Variants in PRH1 observed in about 807,000 individuals in gnomAD.
PRH1 encodes salivary acidic proline-rich phosphoprotein 1/2.
PRH1 carries 7 observed loss-of-function variants against 7.9 expected under a neutral mutation model. The ratio of observed to expected loss-of-function variants is 0.89; its 90% confidence interval spans 0.50 to 1.67. The LOEUF is 1.67. PRH1 is among the 40% of genes most tolerant of loss of function. PRH1 has a pLI of 0.00. For missense variants in PRH1, 109 were observed against 223.6 expected, an observed-to-expected ratio of 0.49 and a Z score of 3.27; for synonymous variants, 45 against 80.8, an observed-to-expected ratio of 0.56 and a Z score of 2.38.
upstream of PRH1, among the ~76,000 whole-genome samples, chr12:10,885,706 C>T (rs571282195): frequency 6.6e-6 from 1 of 152,354 alleles, no homozygotes; most frequent in East Asian, 1.9e-4. Context: ...GAATCACCAG[C>T]TGCACTTTCC....
chr12:11,073,668 A>G (rs1175531190), intron 1 of PRH1, among the ~76,000 whole-genome samples: 1 of 151,972 alleles, frequency 6.6e-6, no homozygotes, highest in Non-Finnish European at 1.5e-5. Flanking sequence ...AGTGGTTTCA[A>G]GTGGAATCCA....
upstream of PRH1, among the ~76,000 whole-genome samples, chr12:11,050,373 A>G (rs775102281): frequency 2.6e-5 from 4 of 152,204 alleles, no homozygotes; most frequent in Non-Finnish European, 5.9e-5. Flanking sequence ...TAAGGTGCAG[A>G]TCGCTCATGC....
At chr12:10,909,993 TC>T (rs1565465449) in intron 2 of PRH1, among the ~76,000 whole-genome samples, 1 of 152,152 alleles carries the variant, frequency 6.6e-6, no homozygotes, top group East Asian at 1.9e-4. Flanking sequence ...TATCCGCTTT[TC>T]CCCTCATATT....
intron 1 of PRH1, chr12:11,031,232 C>A (rs372174270): frequency 1.2e-6 from 2 of 1,613,974 alleles, no homozygotes; most frequent in African/African-American, 2.7e-5. Flanking sequence ...TCTCTTGACC[C>A]GCTCAATGGA....
chr12:10,994,225 A>C (rs1041768696), intron 1 of PRH1, among the ~76,000 whole-genome samples: 1 of 152,132 alleles, frequency 6.6e-6, no homozygotes, highest in Non-Finnish European at 1.5e-5. Flanking sequence ...GGATCACCAC[A>C]TTGTGGGCAT....
Position 11,062,084 on chromosome 12 carries a change from A to C in PRH1, n.124-14896T>G, listed in dbSNP as rs367826465. On this transcript the variant is annotated intron_variant and non_coding_transcript_variant, in intron 1 of 4. Coordinates refer to the PRH1 transcript ENST00000541977. The stretch of plus-strand genomic sequence containing the variant: ...TCTATACTGTTAAAAGCTGGATTCA[A>C]CTCAGTTGCATACCAATTTAATACT... 3.1e-6 allele frequency: 5 copies of C among 1,613,594 alleles called. No homozygotes were observed. The African/African-American group carries it at 5.3e-5, about 17-fold the overall frequency.
chr12:10,938,564 G>A, intron 2 of PRH1: 3 of 1,614,044 alleles, frequency 1.9e-6, no homozygotes, highest in Non-Finnish European at 2.5e-6. Flanking sequence ...TATTTTGACA[G>A]TGTGCTGCAT....
At chr12:10,893,927 C>T (rs1413599064) in intron 2 of PRH1, among the ~76,000 whole-genome samples, 1 of 151,966 alleles carries the variant, frequency 6.6e-6, no homozygotes, top group Non-Finnish European at 1.5e-5. Context: ...ATTTAACCTG[C>T]TATTTTTACA....
intron 1 of PRH1, among the ~76,000 whole-genome samples, chr12:10,996,305 G>A (rs1940232217): frequency 6.6e-6 from 1 of 150,762 alleles, no homozygotes; most frequent in Non-Finnish European, 1.5e-5. Flanking sequence ...TTCCAGCCTG[G>A]ACAACAGGGC....
At chr12:11,047,102 C>A (rs1216775895) in exon 1 of PRH1, 11 of 473,586 alleles carry the variant, frequency 2.3e-5, no homozygotes, top group Non-Finnish European at 4.9e-5. Flanking sequence ...TGTCACAGAA[C>A]TGACACAGAA....
At chr12:11,149,713 A>G (rs866547445) in intron 1 of PRH1, among the ~76,000 whole-genome samples, 5 of 140,468 alleles carry the variant, frequency 3.6e-5, no homozygotes, top group South Asian at 2.2e-4. Context: ...AACCATAAAA[A>G]CCCTAGAAGA....
At chr12:11,169,670 T>TA (rs1283856670) in intron 1 of PRH1, among the ~76,000 whole-genome samples, 2 of 152,200 alleles carry the variant, frequency 1.3e-5, no homozygotes, top group Non-Finnish European at 2.9e-5. Flanking sequence ...CTCTGTGTAT[T>TA]AGTCTTTCAG....
chr12:11,104,181 T>TAAAAAAAAAAAAAAAAAAAAAAG (rs1945340187), intron 1 of PRH1, among the ~76,000 whole-genome samples: 1 of 49,590 alleles, frequency 2.0e-5, no homozygotes, highest in African/African-American at 8.4e-5. Flanking sequence ...AATGAAAGAG[T>TAAAAAAAAAAAAAAAAAAAAAAG]AAAAAAAAAA....
intron 1 of PRH1, among the ~76,000 whole-genome samples, chr12:11,002,936 T>A (rs1310120536): frequency 6.6e-6 from 1 of 152,054 alleles, no homozygotes; most frequent in Non-Finnish European, 1.5e-5. Context: ...ACTTAATATC[T>A]ATAGTCCTAC....
chr12:10,894,130 T>C (rs1195029085), intron 2 of PRH1, among the ~76,000 whole-genome samples: 1 of 152,160 alleles, frequency 6.6e-6, no homozygotes, highest in African/African-American at 2.4e-5. Flanking sequence ...TTACTAAACC[T>C]GGTAACTCTA....
intron 2 of PRH1, among the ~76,000 whole-genome samples, chr12:10,922,498 A>T (rs1266688310): frequency 6.6e-6 from 1 of 152,154 alleles, no homozygotes; most frequent in African/African-American, 2.4e-5. Flanking sequence ...CGTAATACTT[A>T]TTCCATGGAA....
At chr12:11,033,091 C>T (rs1942295971) in intron 1 of PRH1, among the ~76,000 whole-genome samples, 1 of 152,132 alleles carries the variant, frequency 6.6e-6, no homozygotes, top group South Asian at 2.1e-4. Flanking sequence ...ATCCACCAAA[C>T]CCAGCTTAGA....
At chr12:10,998,260 A>G (rs1236225292) in intron 1 of PRH1, among the ~76,000 whole-genome samples, 1 of 152,118 alleles carries the variant, frequency 6.6e-6, no homozygotes, top group Non-Finnish European at 1.5e-5. Context: ...CCTTTCCATA[A>G]TTTGTGTTCA....
At chr12:11,023,767 A>G (rs1242058047) in intron 1 of PRH1, among the ~76,000 whole-genome samples, 1 of 152,240 alleles carries the variant, frequency 6.6e-6, no homozygotes, top group African/African-American at 2.4e-5. Context: ...AATCAGCCAA[A>G]CTAGCGGCAA....
Sources: gnomAD v4.1 joint callset for allele counts (sites outside exome capture counted in the v4.1 genomes callset) on GRCh38, gnomAD v4.1.1 for gene constraint, MANE v1.5 for transcripts, NCBI Gene and HGNC (gene_info 2026-07-23, HGNC 2026-07-21) for gene names.